The following NCF2 variants were observed in gnomAD, a reference collection of about 807,000 sequenced individuals.
The protein encoded by NCF2 is neutrophil cytosol factor 2.
Under a neutral mutation model 70.9 loss-of-function variants are expected in NCF2, and 45 were observed. That is an observed-to-expected ratio of 0.63 (90% CI 0.50 to 0.81). The LOEUF is 0.81. Among genes scored for constraint, NCF2 ranks in the 40% least tolerant of loss-of-function variants. The pLI, the probability that NCF2 is intolerant of heterozygous loss-of-function variation, is 0.00. For missense variants in NCF2, 522 were observed against 631.6 expected (o/e 0.83, Z 1.86); for synonymous variants, 203 against 233.6 (o/e 0.87, Z 1.19).
Position 183,564,014 on chromosome 1 carries a change from T to C in NCF2, c.1017A>G (p.Glu339=). 1 of 1,611,152 alleles carries C rather than the reference T, an allele frequency of 6.2e-7. No individual in the cohort carries two copies. The highest frequency in any genetic ancestry group is 8.5e-7 in the Non-Finnish European group (1 of 1,177,244). Residue 339 remains glutamate, a synonymous_variant, in exon 11 of 15, where the codon GAA becomes GAG. Transcript: ENST00000367535. ...PQLSPGQKQK[E]EPKEVKLSVP... ...GAGGGAAAAATGTTACCTTAGGCTC[T>C]TCTTTTTGTTTCTGGCCTGAATGGA...
chr1:183,565,572 G>A (rs978588543), intron 10 of NCF2, 132 bp downstream of exon 10: 38 of 856,962 alleles, frequency 4.4e-5, no homozygotes, highest in South Asian at 1.6e-4. Flanking sequence ...CTGGGGCTGC[G>A]TGGTCATTAG....
intron 6 of NCF2, 154 bp from the exon 7 acceptor site, chr1:183,569,339 C>T: frequency 1.3e-6 from 1 of 743,166 alleles, no homozygotes; most frequent in Non-Finnish European, 2.4e-6. Flanking sequence ...AGGAAGAGGG[C>T]ACAGTCACCC....
At chr1:183,584,899 A>G (rs1352742236) in intron 2 of NCF2, among the ~76,000 whole-genome samples, 1 of 151,884 alleles carries the variant, frequency 6.6e-6, no homozygotes, top group African/African-American at 2.4e-5. Context: ...AAAAATTAAA[A>G]TTAAAAAAAG....
rs1295838138 is a variant in NCF2 at position 183,581,468 on chromosome 1, T to TA, written c.258-3762dup. Among the ~76,000 whole-genome samples the TA allele has an allele frequency of 6.3e-3, 901 of 143,040 alleles. 12 individuals are homozygous for TA. Among genetic ancestry groups the TA allele is most frequent in the Admixed American group, 0.034 (491 of 14,346 alleles). The allele number at this position is 143,040 out of a possible 152,430, so 93.8% of individuals were successfully genotyped here. ...GGACAATATAGTGAGACCCCTTCTC[T>TA]AAAAAAAAAAAGATTACTTATTTTA... On this transcript the variant is annotated intron_variant, in intron 2 of 14. Coordinates refer to ENST00000367535, the MANE Select transcript of NCF2 (RefSeq NM_000433.4).
At chr1:183,579,738 CAAAAAA>C (rs397982209) in intron 2 of NCF2, among the ~76,000 whole-genome samples, 142 of 38,854 alleles carry the variant, frequency 3.7e-3, no homozygotes, top group African/African-American at 4.3e-3. Flanking sequence ...GACTCTGTCT[CAAAAAA>C]AAAAAAAAAA....
chr1:183,575,691 G>A (rs981466702), intron 3 of NCF2, among the ~76,000 whole-genome samples: 2 of 152,194 alleles, frequency 1.3e-5, no homozygotes, highest in Non-Finnish European at 2.9e-5. Flanking sequence ...TTGCTCTTGG[G>A]TCACTTGCTC....
intron 1 of NCF2, among the ~76,000 whole-genome samples, chr1:183,588,476 A>AC (rs1334923082): frequency 6.7e-6 from 1 of 148,288 alleles, no homozygotes; most frequent in African/African-American, 2.5e-5. Flanking sequence ...CTCCATCTCA[A>AC]AAAAAAAAAA....
At chr1:183,560,362 A>G in intron 13 of NCF2, 89 bp from the exon 14 acceptor site, 1 of 1,408,062 alleles carries the variant, frequency 7.1e-7, no homozygotes, top group Non-Finnish European at 1.0e-6. Context: ...ATGTCAAAGT[A>G]GAACCTGGGA....
At chr1:183,599,480 T>TTCTTTCTTTCTTTCTTTCTTTCTTTCTC in the NCF2 span, among the ~76,000 whole-genome samples, 7 of 134,264 alleles carry the variant, frequency 5.2e-5, no homozygotes, top group African/African-American at 1.7e-4. Context: ...CTTTCTTTCT[T>TTCTTTCTTTCTTTCTTTCTTTCTTTCTC]TCTCTTTTCT....
chr1:183,588,619 ATAT>A (rs1673489037), intron 1 of NCF2, among the ~76,000 whole-genome samples: 2 of 152,078 alleles, frequency 1.3e-5, no homozygotes, highest in African/African-American at 4.8e-5. Flanking sequence ...AATAATTAAA[ATAT>A]TATATAAATT....
chr1:183,569,560 A>G (rs1672455341), intron 6 of NCF2, among the ~76,000 whole-genome samples: 1 of 152,164 alleles, frequency 6.6e-6, no homozygotes, highest in South Asian at 2.1e-4. Context: ...ACTATGTCAC[A>G]TGACACTTCT....
intron 5 of NCF2, among the ~76,000 whole-genome samples, chr1:183,571,490 C>A (rs1228038178): frequency 6.6e-6 from 1 of 152,158 alleles, no homozygotes. Flanking sequence ...TACTGCCTCT[C>A]TCTAATTCCA....
chr1:183,590,481 T>A, upstream of NCF2: 1 of 814,098 alleles, frequency 1.2e-6, no homozygotes, highest in Non-Finnish European at 2.1e-6. Context: ...TCCCTTAAGA[T>A]AACTTCTCAG....
intron 1 of NCF2, among the ~76,000 whole-genome samples, chr1:183,588,238 C>T (rs1673465667): frequency 6.6e-6 from 1 of 151,962 alleles, no homozygotes; most frequent in South Asian, 2.1e-4. Context: ...GCACCTTGTC[C>T]AGGAGAGTAG....
At chr1:183,571,627 T>A (rs191855252) in intron 5 of NCF2, among the ~76,000 whole-genome samples, 111 of 152,334 alleles carry the variant, frequency 7.3e-4, no homozygotes, top group Non-Finnish European at 8.2e-4. Context: ...TTCTCTGAGT[T>A]TTAAAAATCA....
chr1:183,586,096 G>A (rs1204505844), intron 2 of NCF2, among the ~76,000 whole-genome samples: 4 of 152,104 alleles, frequency 2.6e-5, no homozygotes, highest in African/African-American at 9.7e-5. Flanking sequence ...GCACTTTGGG[G>A]GGCTGAGGTG....
intron 12 of NCF2, 39 bp from the exon 13 acceptor site, chr1:183,563,345 A>T (rs1201183252): frequency 6.2e-7 from 1 of 1,613,714 alleles, no homozygotes; most frequent in African/African-American, 1.3e-5. Context: ...GTCAAAGAAC[A>T]TCATCACAAA....
chr1:183,571,831 A>G (rs1379245483), intron 5 of NCF2, among the ~76,000 whole-genome samples: 1 of 152,216 alleles, frequency 6.6e-6, no homozygotes, highest in Non-Finnish European at 1.5e-5. Flanking sequence ...GATATTTCCT[A>G]TAAACGGAAT....
chr1:183,578,451 A>G (rs1302288106), intron 2 of NCF2, among the ~76,000 whole-genome samples: 1 of 151,318 alleles, frequency 6.6e-6, no homozygotes, highest in Admixed American at 6.6e-5. Flanking sequence ...TCCACCTCCC[A>G]GGTTCAAGTG....
Sources: allele counts gnomAD v4.1 joint callset (sites outside exome capture counted in the v4.1 genomes callset), GRCh38; gene constraint gnomAD v4.1.1; transcripts MANE v1.5; gene names NCBI Gene and HGNC (gene_info 2026-07-23, HGNC 2026-07-21).